The following TENM3 variants were observed in gnomAD, a reference collection of about 807,000 sequenced individuals.
TENM3 encodes teneurin transmembrane protein 3, also known as teneurin-3.
Under a neutral mutation model 255.1 loss-of-function variants are expected in TENM3, and 63 were observed. The observed-to-expected ratio is 0.25, with a 90% CI of 0.20 to 0.30. The LOEUF (loss-of-function observed/expected upper bound fraction) is 0.30, where lower values mean the gene tolerates loss of function less well. TENM3 is among the 10% of genes least tolerant of loss of function. The pLI, the probability that TENM3 is intolerant of heterozygous loss-of-function variation, is 1.00. For synonymous variants in TENM3, 1,306 were observed against 1,322.3 expected (o/e 0.99, Z 0.27); for missense variants, 2,929 against 3,461.1 (o/e 0.85, Z 3.86).
In TENM3 at chr4:182,463,842, C is replaced by T. The variant is rs1170061069; in HGVS notation, c.511+116913C>T. ...TTCTCCATGTTGGTCAGGCTGGTCT[C>T]GAACTCCGACCTCAGGTGATCCACC... is the stretch of plus-strand genomic sequence containing the variant. On this transcript the variant is annotated intron_variant, in intron 3 of 27. Coordinates refer to ENST00000511685, the MANE Select transcript of TENM3 (RefSeq NM_001080477.4). 7.9e-5 allele frequency among the ~76,000 whole-genome samples: 12 copies of T among 152,044 alleles called. No individual in the cohort carries two copies. In the East Asian group the frequency reaches 9.7e-4, roughly 12 times the overall value.
chr4:182,463,604 G>T (rs968416695), intron 3 of TENM3, among the ~76,000 whole-genome samples: 1 of 150,542 alleles, frequency 6.6e-6, no homozygotes, highest in African/African-American at 2.4e-5. Context: ...GATTACAGGC[G>T]CCTGCCACTG....
At chr4:181,936,917 G>A in the TENM3 span, among the ~76,000 whole-genome samples, 5 of 152,150 alleles carry the variant, frequency 3.3e-5, no homozygotes, top group Non-Finnish European at 5.9e-5. Context: ...TGCCCCCCAC[G>A]AAGCTTTCAT....
the TENM3 span, among the ~76,000 whole-genome samples, chr4:181,853,570 G>C: frequency 6.6e-6 from 1 of 152,150 alleles, no homozygotes; most frequent in African/African-American, 2.4e-5. Context: ...AGATACTTAT[G>C]ACATTTAGTG....
At chr4:181,924,637 C>T in the TENM3 span, among the ~76,000 whole-genome samples, 17 of 152,118 alleles carry the variant, frequency 1.1e-4, no homozygotes, top group Admixed American at 7.9e-4. Context: ...ATTCAGAATC[C>T]TTTTCTTACT....
At chr4:182,166,285 C>G (rs918485307) in intron 1 of TENM3, among the ~76,000 whole-genome samples, 36 of 152,106 alleles carry the variant, frequency 2.4e-4, no homozygotes, top group African/African-American at 8.5e-4. Flanking sequence ...GTCATAGCAC[C>G]TTTTTCTAAA....
At chr4:181,996,530 A>G in the TENM3 span, among the ~76,000 whole-genome samples, 10,774 of 152,258 alleles carry the variant, frequency 0.071, 497 homozygotes, top group South Asian at 0.1. Flanking sequence ...GAGAACCAGG[A>G]ACCAGGGAGA....
intron 3 of TENM3, among the ~76,000 whole-genome samples, chr4:182,447,359 T>C (rs1230401050): frequency 6.6e-6 from 1 of 152,056 alleles, no homozygotes; most frequent in Non-Finnish European, 1.5e-5. Context: ...GTCTTAGACG[T>C]AATGGAAAAT....
intron 24 of TENM3, among the ~76,000 whole-genome samples, chr4:182,786,466 G>A (rs1290237175): frequency 6.6e-6 from 1 of 151,794 alleles, no homozygotes; most frequent in Non-Finnish European, 1.5e-5. Context: ...GCTGAGGCAG[G>A]AGAATTGCTT....
At chr4:181,928,582 A>T in the TENM3 span, among the ~76,000 whole-genome samples, 1 of 152,090 alleles carries the variant, frequency 6.6e-6, no homozygotes, top group Non-Finnish European at 1.5e-5. Context: ...GACGGGAAGA[A>T]TGGAAGCAAG....
intron 19 of TENM3, among the ~76,000 whole-genome samples, chr4:182,747,423 G>A (rs1284652720): frequency 1.3e-5 from 2 of 152,176 alleles, no homozygotes; most frequent in Non-Finnish European, 2.9e-5. Context: ...AGGTATAAAT[G>A]TTACTGATCA....
intron 3 of TENM3, among the ~76,000 whole-genome samples, chr4:182,389,469 G>A (rs1001286902): frequency 6.6e-6 from 1 of 151,360 alleles, no homozygotes; most frequent in Non-Finnish European, 1.5e-5. Context: ...CATTTTACCT[G>A]CCAGAAAAAA....
At chr4:181,641,582 A>G in the TENM3 span, among the ~76,000 whole-genome samples, 1 of 93,054 alleles carries the variant, frequency 1.1e-5, no homozygotes, top group Non-Finnish European at 2.1e-5. Context: ...ATATATATAT[A>G]TATATATATA....
intron 1 of TENM3, among the ~76,000 whole-genome samples, chr4:182,231,948 G>A (rs1285721927): frequency 1.3e-5 from 2 of 152,276 alleles, no homozygotes; most frequent in East Asian, 3.9e-4. Flanking sequence ...AGTCCTGCCT[G>A]GTTTGCATAT....
the TENM3 span, among the ~76,000 whole-genome samples, chr4:181,611,231 C>G: frequency 2.6e-5 from 4 of 152,176 alleles, no homozygotes; most frequent in South Asian, 8.3e-4. Flanking sequence ...CTATGTTTAT[C>G]TTTGGAAGAA....
chr4:182,006,695 A>AT, the TENM3 span, among the ~76,000 whole-genome samples: 1 of 151,092 alleles, frequency 6.6e-6, no homozygotes, highest in Non-Finnish European at 1.5e-5. Context: ...GGATGCATTG[A>AT]TTTTTTGAAG....
At chr4:182,542,226 A>G (rs1740954870) in intron 3 of TENM3, among the ~76,000 whole-genome samples, 1 of 152,180 alleles carries the variant, frequency 6.6e-6, no homozygotes, top group South Asian at 2.1e-4. Context: ...ACATCATGCC[A>G]GCATCTTCAG....
the TENM3 span, among the ~76,000 whole-genome samples, chr4:181,510,512 C>T: frequency 1.3e-5 from 2 of 152,072 alleles, no homozygotes; most frequent in Non-Finnish European, 2.9e-5. Flanking sequence ...CAAATTAAAC[C>T]TACTAAAGAT....
At chr4:182,131,331 T>C in the TENM3 span, among the ~76,000 whole-genome samples, 3 of 152,206 alleles carry the variant, frequency 2.0e-5, no homozygotes, top group South Asian at 4.1e-4. Context: ...ATGGATCTGT[T>C]AGAAGATAAA....
In TENM3 at chr4:182,789,297, A is replaced by G. The variant is rs766965353; in HGVS notation, c.5509A>G (p.Thr1837Ala). 2 of 1,613,860 alleles carry G rather than the reference A, an allele frequency of 1.2e-6. No individual in the cohort carries two copies. The highest frequency in any genetic ancestry group is 1.7e-6 in the Non-Finnish European group (2 of 1,179,852). ...AATTGCCAGCATCCAGCGAGGCACC[A>G]CTAGCGAGAAAGTAGATTATGACGG... ...GQIASIQRGTTSEKVDYDGQG... is the reference protein window; with the variant it reads ...GQIASIQRGTASEKVDYDGQG... The change falls in exon 25 of 28, where the codon ACT becomes GCT. Residue 1837 changes from threonine to alanine, a missense_variant. By Grantham distance (58) the Thr-to-Ala change is moderately conservative. This residue lies in a region of TENM3 where 303 missense variants were observed against 425.2 expected (regional missense o/e 0.71). Coordinates refer to ENST00000511685, the MANE Select transcript of TENM3 (RefSeq NM_001080477.4). The surrounding 1 kb of genome is among the most constrained non-coding windows in gnomAD (Gnocchi z 4.4).
Sources: gnomAD v4.1 joint callset for allele counts (sites outside exome capture counted in the v4.1 genomes callset) on GRCh38, gnomAD v4.1.1 for gene constraint, gnomAD v4.1.1 regional missense constraint, Gnocchi (gnomAD v3.1) non-coding constraint, MANE v1.5 for transcripts, NCBI Gene and HGNC (gene_info 2026-07-23, HGNC 2026-07-21) for gene names.